The following HECW2 variants were observed in gnomAD, a reference collection of about 807,000 sequenced individuals.
The protein encoded by HECW2 is HECT, C2 and WW domain containing E3 ubiquitin protein ligase 2.
In HECW2, 61 loss-of-function variants were observed where a neutral mutation model predicts 175.2. The ratio of observed to expected loss-of-function variants is 0.35; its 90% CI spans 0.28 to 0.43. The LOEUF (loss-of-function observed/expected upper bound fraction) is 0.43, where lower values mean the gene tolerates loss of function less well. Ranked by LOEUF, HECW2 falls within the 20% of genes least tolerant of loss-of-function variation. The pLI, the probability that HECW2 is intolerant of heterozygous loss-of-function variation, is 1.00. For missense variants in HECW2, 1,524 were observed against 2,000.5 expected (o/e 0.76, Z 4.54); for synonymous variants, 671 against 731.0 (o/e 0.92, Z 1.32).
At chr2:196,367,048 A>G (rs1014942737) in intron 2 of HECW2, among the ~76,000 whole-genome samples, 6 of 152,208 alleles carry the variant, frequency 3.9e-5, no homozygotes, top group Admixed American at 2.0e-4. Context: ...AATGCTTTGC[A>G]TATAGCAATG....
intron 1 of HECW2, among the ~76,000 whole-genome samples, chr2:196,488,835 T>C (rs147604362): frequency 7.9e-5 from 12 of 152,286 alleles, no homozygotes; most frequent in South Asian, 6.2e-4. Flanking sequence ...ACACAGGATA[T>C]TGTAGAAACT....
At chr2:196,316,500 T>C (rs1259641289) in intron 10 of HECW2, 1 of 152,232 alleles carries the variant, frequency 6.6e-6, no homozygotes, top group Non-Finnish European at 1.5e-5. Context: ...TCCAGTGTTT[T>C]TTTTAAAGCA....
chr2:196,464,324 A>G (rs1696863213), intron 1 of HECW2, among the ~76,000 whole-genome samples: 1 of 152,214 alleles, frequency 6.6e-6, no homozygotes, highest in Admixed American at 6.5e-5. Context: ...AGGTAGAACT[A>G]GGGTTCAATA....
chr2:196,447,201 T>A (rs1231274860), intron 1 of HECW2, among the ~76,000 whole-genome samples: 2 of 152,202 alleles, frequency 1.3e-5, no homozygotes, highest in African/African-American at 4.8e-5. Context: ...AAGCACTGTA[T>A]TTTCCAATTG....
At chr2:196,398,903 C>T (rs1430449765) in intron 2 of HECW2, among the ~76,000 whole-genome samples, 1 of 152,036 alleles carries the variant, frequency 6.6e-6, no homozygotes, top group Non-Finnish European at 1.5e-5. Flanking sequence ...TGGCTTGAGC[C>T]CAGGAGTTAG....
chr2:196,396,457 T>G (rs2375850), intron 2 of HECW2, among the ~76,000 whole-genome samples: 140,654 of 152,280 alleles, frequency 0.92, 65,201 homozygotes, highest in East Asian at 0.96. Flanking sequence ...TTTTACAGAT[T>G]CCCTGAACAC....
intron 1 of HECW2, among the ~76,000 whole-genome samples, chr2:196,491,943 A>C (rs1230171545): frequency 6.6e-6 from 1 of 152,216 alleles, no homozygotes; most frequent in Non-Finnish European, 1.5e-5. Flanking sequence ...GATTTCATTT[A>C]AAGTGAATAT....
chr2:196,241,573 T>C (rs1688456762), intron 20 of HECW2, among the ~76,000 whole-genome samples: 1 of 152,180 alleles, frequency 6.6e-6, no homozygotes, highest in Admixed American at 6.5e-5. Flanking sequence ...GAAACAATTC[T>C]AGGCCAAACA....
intron 2 of HECW2, among the ~76,000 whole-genome samples, chr2:196,398,164 T>G (rs1030135739): frequency 1.3e-5 from 2 of 151,766 alleles, no homozygotes; most frequent in Non-Finnish European, 2.9e-5. Context: ...GAAGTCAAAA[T>G]GCATGCATGT....
At chr2:196,278,430 G>GA in intron 15 of HECW2, 98 bp downstream of exon 15, 1 of 1,079,176 alleles carries the variant, frequency 9.3e-7, no homozygotes, top group Non-Finnish European at 1.3e-6. Flanking sequence ...AAAAAAAAAA[G>GA]AAAAAATGCT....
At chr2:196,533,094 A>G (rs2375940) in intron 1 of HECW2, among the ~76,000 whole-genome samples, 52,608 of 152,128 alleles carry the variant, frequency 0.35, 12,513 homozygotes, top group African/African-American at 0.68. Context: ...AAATAAGATT[A>G]CAATTGCATC....
At chr2:196,255,858 A>G (rs958532816) in intron 18 of HECW2, among the ~76,000 whole-genome samples, 1 of 152,212 alleles carries the variant, frequency 6.6e-6, no homozygotes, top group Non-Finnish European at 1.5e-5. Flanking sequence ...GGATTGCCTG[A>G]GCTCAGGAGT....
At chr2:196,475,443 G>A (rs910802436) in intron 1 of HECW2, among the ~76,000 whole-genome samples, 4 of 151,940 alleles carry the variant, frequency 2.6e-5, no homozygotes, top group African/African-American at 9.7e-5. Flanking sequence ...GGGAAAAAAG[G>A]AGGGCGGCTC....
At chr2:196,446,805 G>C (rs941373) in intron 1 of HECW2, among the ~76,000 whole-genome samples, 2 of 152,044 alleles carry the variant, frequency 1.3e-5, no homozygotes, top group African/African-American at 4.8e-5. Flanking sequence ...TAGGAAGAAA[G>C]GGCACATGTA....
rs1297107560 is a variant in HECW2 at position 196,277,994 on chromosome 2, G to A, written c.3135+534C>T. On this transcript the variant is annotated intron_variant, in intron 15 of 28. Coordinates refer to ENST00000644978, the MANE Select transcript of HECW2 (RefSeq NM_001348768.2). ...GGCCTGTTATGGGGTGGGGGGAGGGGGGAGGGATAGCATTAGGAGATATAC... is the reference window on the plus strand; with the variant it reads ...GGCCTGTTATGGGGTGGGGGGAGGGAGGAGGGATAGCATTAGGAGATATAC... Among the ~76,000 whole-genome samples, 3 of 82,718 alleles carry A rather than the reference G, an allele frequency of 3.6e-5. No individual in the cohort carries two copies. The East Asian group carries it at 1.7e-3, about 48-fold the overall frequency. The allele number at this position is 82,718 out of a possible 152,430, so 54.3% of individuals were successfully genotyped here. A position where few individuals can be genotyped will look rare whatever the true frequency, so the allele number is the denominator to read the frequency against.
At chr2:196,298,900 A>T (rs1260417437) in intron 13 of HECW2, among the ~76,000 whole-genome samples, 1 of 152,260 alleles carries the variant, frequency 6.6e-6, no homozygotes, top group African/African-American at 2.4e-5. Context: ...AAAACCCTAG[A>T]CAATAAATCT....
chr2:196,246,310 CA>C (rs751890232), intron 19 of HECW2, among the ~76,000 whole-genome samples: 15 of 152,134 alleles, frequency 9.9e-5, no homozygotes, highest in Non-Finnish European at 1.5e-5. Flanking sequence ...AATCAACTTT[CA>C]AGAGCAAAAT....
At chr2:196,527,149 C>T (rs1688688508) in intron 1 of HECW2, among the ~76,000 whole-genome samples, 1 of 152,258 alleles carries the variant, frequency 6.6e-6, no homozygotes, top group Non-Finnish European at 1.5e-5. Flanking sequence ...GCCTAGGACC[C>T]TCCCAGCCAG....
At chr2:196,310,773 T>TGTGTGTGTGTGTGTGTGC in intron 10 of HECW2, among the ~76,000 whole-genome samples, 1 of 143,068 alleles carries the variant, frequency 7.0e-6, no homozygotes, top group South Asian at 2.1e-4. Flanking sequence ...CGATTTTGTG[T>TGTGTGTGTGTGTGTGTGC]GTGTGTGTGT....
Sources: gnomAD v4.1 joint callset for allele counts (sites outside exome capture counted in the v4.1 genomes callset) on GRCh38, gnomAD v4.1.1 for gene constraint, MANE v1.5 for transcripts, NCBI Gene and HGNC (gene_info 2026-07-23, HGNC 2026-07-21) for gene names.